Variants in ZNF385B observed in about 807,000 individuals in gnomAD.
ZNF385B encodes zinc finger protein 385B, also known as zinc finger protein 533.
Under a neutral mutation model 39.2 loss-of-function variants are expected in ZNF385B, and 23 were observed. The observed-to-expected ratio is 0.59, with a 90% confidence interval of 0.42 to 0.83. The LOEUF (loss-of-function observed/expected upper bound fraction) is 0.83, where lower values mean the gene tolerates loss of function less well. Ranked by LOEUF, ZNF385B falls within the 40% of genes least tolerant of loss-of-function variation. The probability of loss-of-function intolerance (pLI) is 0.00; values close to 1 mark genes in which losing one functional copy is unlikely to be tolerated. For missense variants in ZNF385B, 552 were observed against 598.9 expected, an observed-to-expected ratio of 0.92 and a Z score of 0.82; for synonymous variants, 205 against 222.6, an observed-to-expected ratio of 0.92 and a Z score of 0.70.
chr2:179,835,309 G>A (rs567518974), intron 1 of ZNF385B, among the ~76,000 whole-genome samples: 36 of 152,280 alleles, frequency 2.4e-4, no homozygotes, highest in East Asian at 1.2e-3. Flanking sequence ...AAGGGTTTAC[G>A]CAACTTTTCC....
At chr2:179,562,483 C>T in intron 3 of ZNF385B, 1 of 985,358 alleles carries the variant, frequency 1.0e-6, no homozygotes, top group South Asian at 4.7e-5. Context: ...ATAATTCCAT[C>T]ATCTCAACCT....
chr2:179,587,112 C>T (rs1161401006), intron 3 of ZNF385B, among the ~76,000 whole-genome samples: 3 of 152,122 alleles, frequency 2.0e-5, no homozygotes, highest in Non-Finnish European at 4.4e-5. Flanking sequence ...CACTCCCTTC[C>T]ACCTGGTTGA....
chr2:179,516,868 T>G (rs1337656654), intron 5 of ZNF385B, among the ~76,000 whole-genome samples: 1 of 149,962 alleles, frequency 6.7e-6, no homozygotes, highest in Non-Finnish European at 1.5e-5. Flanking sequence ...GTTTAATAGT[T>G]TTTTTAAAGT....
intron 3 of ZNF385B, among the ~76,000 whole-genome samples, chr2:179,576,996 G>A (rs1685901250): frequency 6.6e-6 from 1 of 152,180 alleles, no homozygotes; most frequent in South Asian, 2.1e-4. Context: ...TCTCACAACA[G>A]ACGGCTTTAA....
At chr2:179,645,443 A>G (rs1421432804) in intron 3 of ZNF385B, among the ~76,000 whole-genome samples, 2 of 152,216 alleles carry the variant, frequency 1.3e-5, no homozygotes, top group Non-Finnish European at 2.9e-5. Flanking sequence ...GATGTACTTA[A>G]TAATAAAAAG....
At chr2:179,568,944 G>A (rs527372705) in intron 3 of ZNF385B, among the ~76,000 whole-genome samples, 4 of 152,252 alleles carry the variant, frequency 2.6e-5, no homozygotes, top group East Asian at 3.9e-4. Flanking sequence ...CTAACACCTA[G>A]AGTTTATTAG....
chr2:179,681,727 C>G (rs1399170802), intron 3 of ZNF385B, among the ~76,000 whole-genome samples: 1 of 152,120 alleles, frequency 6.6e-6, no homozygotes, highest in East Asian at 1.9e-4. Context: ...TAAAACTGAT[C>G]ATGTGTTGGC....
chr2:179,545,615 G>A (rs1321039119), intron 3 of ZNF385B, among the ~76,000 whole-genome samples: 1 of 152,188 alleles, frequency 6.6e-6, no homozygotes, highest in Admixed American at 6.5e-5. Flanking sequence ...GGGACAGGTA[G>A]TAGTTAGGAC....
chr2:179,515,579 C>T (rs2058034053), intron 5 of ZNF385B, among the ~76,000 whole-genome samples: 1 of 152,164 alleles, frequency 6.6e-6, no homozygotes, highest in Non-Finnish European at 1.5e-5. Flanking sequence ...CTGAGCAATA[C>T]TGTAAAATTT....
intron 3 of ZNF385B, among the ~76,000 whole-genome samples, chr2:179,691,018 A>G (rs1294011640): frequency 1.3e-5 from 2 of 152,182 alleles, no homozygotes; most frequent in African/African-American, 4.8e-5. Flanking sequence ...GCAGGGAGGC[A>G]GTGACAAGGC....
At chr2:179,776,165 C>T (rs567301857) in intron 1 of ZNF385B, among the ~76,000 whole-genome samples, 222 of 152,296 alleles carry the variant, frequency 1.5e-3, no homozygotes, top group Non-Finnish European at 2.3e-3. Context: ...CTGAATTATC[C>T]TAAGAACTAA....
intron 5 of ZNF385B, among the ~76,000 whole-genome samples, chr2:179,518,301 T>C (rs2058231834): frequency 6.6e-6 from 1 of 152,204 alleles, no homozygotes; most frequent in Admixed American, 6.5e-5. Flanking sequence ...TGATCTAGGT[T>C]GAATCCATGG....
chr2:179,676,447 A>G (rs1696825474), intron 3 of ZNF385B, among the ~76,000 whole-genome samples: 1 of 152,008 alleles, frequency 6.6e-6, no homozygotes, highest in Non-Finnish European at 1.5e-5. Context: ...GATGGTCTCG[A>G]TCTCCTGACC....
intron 3 of ZNF385B, among the ~76,000 whole-genome samples, chr2:179,581,799 T>G (rs1353115230): frequency 6.6e-6 from 1 of 152,212 alleles, no homozygotes; most frequent in African/African-American, 2.4e-5. Context: ...GGTCATGCCC[T>G]TAGAAAGGTG....
At chr2:179,534,137 G>T (rs564810125) in intron 4 of ZNF385B, among the ~76,000 whole-genome samples, 2 of 152,266 alleles carry the variant, frequency 1.3e-5, no homozygotes, top group Admixed American at 1.3e-4. Flanking sequence ...ATGAGCACCT[G>T]CTAAGTACCA....
intron 3 of ZNF385B, among the ~76,000 whole-genome samples, chr2:179,704,226 AAG>A (rs1328398752): frequency 1.3e-5 from 2 of 152,220 alleles, no homozygotes; most frequent in Admixed American, 1.3e-4. Context: ...TATTTATTGA[AAG>A]AGTTTGATAA....
chr2:179,627,457 G>A (rs1690763170), intron 3 of ZNF385B, among the ~76,000 whole-genome samples: 2 of 152,166 alleles, frequency 1.3e-5, no homozygotes, highest in African/African-American at 4.8e-5. Context: ...GGAAACTAAT[G>A]CTCAGAAAAA....
chr2:179,446,038 A>T (rs1178993844), intron 7 of ZNF385B, among the ~76,000 whole-genome samples: 2 of 152,136 alleles, frequency 1.3e-5, no homozygotes, highest in Non-Finnish European at 2.9e-5. Context: ...TACTAAAAAC[A>T]GTTTTCATAA....
At chr2:179,639,355 A>T (rs1692064472) in intron 3 of ZNF385B, among the ~76,000 whole-genome samples, 1 of 152,090 alleles carries the variant, frequency 6.6e-6, no homozygotes, top group Non-Finnish European at 1.5e-5. Context: ...TAGCATGGTG[A>T]CTACAGTTAA....
Sources: gnomAD v4.1 joint callset for allele counts (sites outside exome capture counted in the v4.1 genomes callset) on GRCh38, gnomAD v4.1.1 for gene constraint, MANE v1.5 for transcripts, NCBI Gene and HGNC (gene_info 2026-07-23, HGNC 2026-07-21) for gene names.